CSMD1: variants seen among roughly 807,000 people sequenced by gnomAD.
The protein encoded by CSMD1 is CUB and sushi domain-containing protein 1.
Under a neutral mutation model 417.5 loss-of-function variants are expected in CSMD1, and 213 were observed. The ratio of observed to expected loss-of-function variants is 0.51; its 90% CI spans 0.46 to 0.57. CSMD1 has a LOEUF of 0.57. Among genes scored for constraint, CSMD1 ranks in the 20% least tolerant of loss-of-function variants. The probability of loss-of-function intolerance (pLI) is 0.00; values close to 1 mark genes in which losing one functional copy is unlikely to be tolerated. For missense variants in CSMD1, 6,923 were observed against 4,529.7 expected, an observed-to-expected ratio of 1.53 and a Z score of -15.17; for synonymous variants, 2,862 against 1,736.8, an observed-to-expected ratio of 1.65 and a Z score of -16.11.
At chr8:4,284,633 C>T (rs1006191235) in intron 3 of CSMD1, among the ~76,000 whole-genome samples, 3 of 152,244 alleles carry the variant, frequency 2.0e-5, no homozygotes, top group Non-Finnish European at 2.9e-5. Flanking sequence ...AGCAACTGTT[C>T]TCCAAGGGTG....
At chr8:4,056,945 T>C (rs1469387197) in intron 3 of CSMD1, among the ~76,000 whole-genome samples, 7 of 152,210 alleles carry the variant, frequency 4.6e-5, no homozygotes, top group South Asian at 4.1e-4. Flanking sequence ...CTGTTGGACA[T>C]TTGGGTTGGT....
intron 1 of CSMD1, among the ~76,000 whole-genome samples, chr8:4,873,999 A>G (rs6558929): frequency 0.91 from 137,784 of 152,110 alleles, 63,527 homozygotes; most frequent in Non-Finnish European, 0.98. Flanking sequence ...AATAACCACT[A>G]TATGTGTTGT....
chr8:4,301,985 G>A (rs974864682), intron 3 of CSMD1, among the ~76,000 whole-genome samples: 3 of 152,136 alleles, frequency 2.0e-5, no homozygotes, highest in Non-Finnish European at 4.4e-5. Context: ...ATCCTGTTCA[G>A]ATATGTTAGA....
At position 2,979,892 on chromosome 8, in the gene CSMD1, C is replaced by T. The variant is rs189301917; in HGVS notation, c.8378-1092G>A. ...AATAATTTTTAAGGCATGTACATGCCCCTACAGGGCATGTATCTGCAATAC... is the reference window on the plus strand; with the variant it reads ...AATAATTTTTAAGGCATGTACATGCTCCTACAGGGCATGTATCTGCAATAC... On this transcript the variant is annotated intron_variant, in intron 54 of 69. Transcript: ENST00000635120. 1.1e-3 allele frequency among the ~76,000 whole-genome samples: 167 copies of T among 152,226 alleles called. 1 individual carries two copies. Among genetic ancestry groups the T allele is most frequent in the African/African-American group, 3.8e-3 (156 of 41,528 alleles).
intron 3 of CSMD1, among the ~76,000 whole-genome samples, chr8:4,188,663 A>G (rs576342817): frequency 4.6e-5 from 7 of 152,134 alleles, no homozygotes; most frequent in African/African-American, 9.7e-5. Flanking sequence ...AACTCTCATA[A>G]AACAGTCTAG....
intron 15 of CSMD1, among the ~76,000 whole-genome samples, chr8:3,404,952 A>T (rs979366596): frequency 1.3e-5 from 2 of 152,198 alleles, no homozygotes; most frequent in Non-Finnish European, 2.9e-5. Flanking sequence ...TTCTTGAAAA[A>T]AACCTGTATA....
In CSMD1 at chr8:3,343,302, G is replaced by A. The variant is rs1439678003; in HGVS notation, c.3623C>T (p.Thr1208Ile). The A allele has an allele frequency of 1.9e-6, 3 of 1,613,234 alleles. No individual in the cohort carries two copies. The highest frequency in any genetic ancestry group is 1.7e-5 in the Admixed American group (1 of 60,002). Residue 1208 changes from threonine (T) to isoleucine (I), a missense_variant, in exon 23 of 70, where the codon ACC (threonine) becomes ATC (isoleucine). By Grantham distance (89) the Thr-to-Ile change is moderately conservative. Coordinates refer to ENST00000635120, the MANE Select transcript of CSMD1 (RefSeq NM_033225.6). ...GSDTDQGFQLTYTSFDLVKCE... is the reference protein window; with the variant it reads ...GSDTDQGFQLIYTSFDLVKCE... ...AGTCGTATGTTACTTACTGGTATAG[G>A]TGAGTTGAAAACCTTGGTCGGTGTC...
intron 1 of CSMD1, among the ~76,000 whole-genome samples, chr8:4,760,772 T>C (rs1041777067): frequency 1.3e-5 from 2 of 152,188 alleles, no homozygotes; most frequent in East Asian, 3.9e-4. Flanking sequence ...GTTTTAGAAC[T>C]AAATTTAGAT....
At chr8:4,902,055 CTTACA>C (rs1470980546) in intron 1 of CSMD1, among the ~76,000 whole-genome samples, 1 of 152,106 alleles carries the variant, frequency 6.6e-6, no homozygotes, top group African/African-American at 2.4e-5. Flanking sequence ...GCTATATGGA[CTTACA>C]TTAAAGAATA....
chr8:3,240,683 T>A (rs1799439989), intron 26 of CSMD1, among the ~76,000 whole-genome samples: 1 of 152,008 alleles, frequency 6.6e-6, no homozygotes, highest in South Asian at 2.1e-4. Flanking sequence ...AAAGGAATAG[T>A]AAAGAAAGCA....
intron 49 of CSMD1, among the ~76,000 whole-genome samples, chr8:3,083,451 T>C (rs1814254028): frequency 6.7e-6 from 1 of 150,256 alleles, no homozygotes. Flanking sequence ...ATCTATAATT[T>C]TTTTTAATTT....
At chr8:3,913,554 G>C (rs1329246329) in intron 5 of CSMD1, among the ~76,000 whole-genome samples, 1 of 152,158 alleles carries the variant, frequency 6.6e-6, no homozygotes, top group Non-Finnish European at 1.5e-5. Flanking sequence ...GTAATAATAA[G>C]GCAACAAAGA....
intron 11 of CSMD1, among the ~76,000 whole-genome samples, chr8:3,473,278 A>C (rs1031764339): frequency 2.0e-5 from 3 of 152,204 alleles, no homozygotes; most frequent in South Asian, 2.1e-4. Flanking sequence ...TTCTTCAATC[A>C]AATGTCAAAT....
chr8:4,545,540 T>C (rs757936396), intron 2 of CSMD1, among the ~76,000 whole-genome samples: 13 of 152,022 alleles, frequency 8.6e-5, no homozygotes, highest in Non-Finnish European at 1.8e-4. Flanking sequence ...TCTACATATA[T>C]AAAAATGTAA....
At chr8:4,292,088 T>C (rs1278723344) in intron 3 of CSMD1, among the ~76,000 whole-genome samples, 2 of 152,096 alleles carry the variant, frequency 1.3e-5, no homozygotes, top group Non-Finnish European at 2.9e-5. Context: ...CAAGGAGATA[T>C]ACCAGGGAAC....
At chr8:4,566,035 C>A (rs1161519029) in intron 2 of CSMD1, among the ~76,000 whole-genome samples, 1 of 151,914 alleles carries the variant, frequency 6.6e-6, no homozygotes, top group East Asian at 1.9e-4. Flanking sequence ...TTTAGCGAAA[C>A]CTCTTATAAG....
chr8:3,687,976 T>A (rs551441235), intron 7 of CSMD1, among the ~76,000 whole-genome samples: 2 of 152,326 alleles, frequency 1.3e-5, no homozygotes, highest in South Asian at 4.1e-4. Context: ...CATATTTGCT[T>A]ATCTGAATTT....
Position 4,063,455 on chromosome 8 carries a change from C to T in CSMD1, c.416-31356G>A, listed in dbSNP as rs189945506. Among the ~76,000 whole-genome samples, 1,209 of 152,074 alleles carry T rather than the reference C, an allele frequency of 8.0e-3. 16 individuals are homozygous for T. The highest frequency in any genetic ancestry group is 0.021 in the African/African-American group (864 of 41,500). On this transcript the variant is annotated intron_variant, in intron 3 of 69. Transcript: ENST00000635120. Reference sequence around the variant, plus strand: ...TGAATACAATGTCCTTAGAACAATGCCTGGCATATACCATGTCTTATATGC... The same window carrying T: ...TGAATACAATGTCCTTAGAACAATGTCTGGCATATACCATGTCTTATATGC...
At chr8:4,418,606 G>C (rs930823399) in intron 3 of CSMD1, among the ~76,000 whole-genome samples, 6 of 152,044 alleles carry the variant, frequency 3.9e-5, no homozygotes, top group African/African-American at 1.2e-4. Context: ...AAATATGCCT[G>C]GCATATAGCT....
Sources: allele counts gnomAD v4.1 joint callset (sites outside exome capture counted in the v4.1 genomes callset), GRCh38; gene constraint gnomAD v4.1.1; transcripts MANE v1.5; gene names NCBI Gene and HGNC (gene_info 2026-07-23, HGNC 2026-07-21).